RC3H1: variants seen among roughly 807,000 people sequenced by gnomAD.
RC3H1 encodes the protein roquin-1.
Under a neutral mutation model 138.2 loss-of-function variants are expected in RC3H1, and 50 were observed. The ratio of observed to expected loss-of-function variants is 0.36; its 90% CI spans 0.29 to 0.46. The LOEUF (loss-of-function observed/expected upper bound fraction) is 0.46, where lower values mean the gene tolerates loss of function less well. Ranked by LOEUF, RC3H1 falls within the 20% of genes least tolerant of loss-of-function variation. The pLI is 1.00. For synonymous variants in RC3H1, 462 were observed against 489.1 expected (o/e 0.94, Z 0.73); for missense variants, 1,031 against 1,388.1 (o/e 0.74, Z 4.09).
In RC3H1 at chr1:173,962,013, G is replaced by A. The variant is rs1408806965; in HGVS notation, c.1914C>T (p.Tyr638=). 2 of 1,614,010 alleles carry A rather than the reference G, an allele frequency of 1.2e-6. No individual in the cohort carries two copies. Among genetic ancestry groups the A allele is most frequent in the African/African-American group, 1.3e-5 (1 of 74,914 alleles). ...GGAGGTAGGGTGGATAATGATCCAA[G>A]TAGGGAGGAGCAGGTTCAGGAGCAG... is the stretch of plus-strand genomic sequence containing the variant. ...PPSAPEPAPP[Y]LDHYPPYLQE... Residue 638 remains tyrosine (Y), a synonymous_variant, in exon 12 of 20, where the codon TAC becomes TAT. Transcript: ENST00000367696.
intron 7 of RC3H1, among the ~76,000 whole-genome samples, chr1:173,975,309 T>G (rs977215778): frequency 6.6e-6 from 1 of 152,082 alleles, no homozygotes; most frequent in African/African-American, 2.4e-5. Flanking sequence ...TTGGCCAGGA[T>G]GGTCTTGATC....
chr1:173,982,538 T>A (rs1660868261), intron 5 of RC3H1, among the ~76,000 whole-genome samples, 189 bp downstream of exon 5: 1 of 152,128 alleles, frequency 6.6e-6, no homozygotes, highest in African/African-American at 2.4e-5. Context: ...ATATTGAACA[T>A]ACAAAAATTC....
rs200436514 is a variant in RC3H1 at position 173,992,899 on chromosome 1, G to C, written c.87C>G (p.Ile29Met). The C allele has an allele frequency of 1.9e-6, 3 of 1,614,098 alleles. No homozygotes were observed. ...QTFDETIRKP[I>M]SLGCGHTVCK... is the part of the protein sequence containing the mutation. ...AGACAGTATGGCCACAACCCAAACTGATGGGCTTTCGAATTGTTTCGTCGA... is the reference window on the plus strand; with the variant it reads ...AGACAGTATGGCCACAACCCAAACTCATGGGCTTTCGAATTGTTTCGTCGA... The change falls in exon 2 of 20, where the codon ATC (isoleucine) becomes ATG (methionine). Residue 29 changes from isoleucine (I) to methionine (M), a missense_variant. Physicochemically the swap from Ile to Met is conservative, Grantham distance 10. Coordinates refer to ENST00000367696, the MANE Select transcript of RC3H1 (RefSeq NM_172071.4).
chr1:173,963,070 T>C (rs1659948188), intron 11 of RC3H1, among the ~76,000 whole-genome samples: 2 of 152,356 alleles, frequency 1.3e-5, no homozygotes, highest in South Asian at 4.1e-4. Flanking sequence ...GTGTTTATTT[T>C]ACATATAAAC....
rs1658538242 is a variant in RC3H1 at position 173,935,314 on chromosome 1, T to C, written c.*3407A>G. 6.6e-6 allele frequency: 1 copy of C among 152,282 alleles called. No homozygotes were observed. The highest frequency in any genetic ancestry group is 1.9e-4 in the East Asian group (1 of 5,192). The allele number at this position is 152,282 out of a possible 1,614,324, so 9.4% of individuals were successfully genotyped here. A position where few individuals can be genotyped will look rare whatever the true frequency, so the allele number is the denominator to read the frequency against. ...TATTCTCAGTTCTTCTACCCTTTCCTAGCGACTCCTTGAAAAAAGAGTAAG... is the reference window on the plus strand; with the variant it reads ...TATTCTCAGTTCTTCTACCCTTTCCCAGCGACTCCTTGAAAAAAGAGTAAG... On this transcript the variant is annotated 3_prime_UTR_variant, in exon 20 of 20. Coordinates refer to ENST00000367696, the MANE Select transcript of RC3H1 (RefSeq NM_172071.4).
intron 5 of RC3H1, among the ~76,000 whole-genome samples, chr1:173,981,517 GTA>G (rs775980316): frequency 6.6e-6 from 1 of 152,050 alleles, no homozygotes; most frequent in Non-Finnish European, 1.5e-5. Flanking sequence ...GTATGTGTGT[GTA>G]TATGTATTTT....
Position 173,946,483 on chromosome 1 carries a change from C to A in RC3H1, c.2954G>T (p.Gly985Val), listed in dbSNP as rs756904710. 15 of 1,613,810 alleles carry A rather than the reference C, an allele frequency of 9.3e-6. No individual in the cohort carries two copies. Among genetic ancestry groups the A allele is most frequent in the Non-Finnish European group, 1.3e-5 (15 of 1,179,916 alleles). ...GGCTCTCTAGGCTGGTACCTCTAGT[C>A]CACGTAGCTGGGTCTGCTGGCTAAT... is the stretch of plus-strand genomic sequence containing the variant. ...HQISQQTQLR[G>V]LEAVSNRLVL... The change falls in exon 17 of 20, where the codon GGA becomes GTA. Residue 985 changes from glycine to valine, a missense_variant. Physicochemically the swap from Gly to Val is moderately radical, Grantham distance 109. This residue lies in a region of RC3H1 where 716 missense variants were observed against 837.9 expected (regional missense o/e 0.85). Transcript: ENST00000367696.
intron 1 of RC3H1, among the ~76,000 whole-genome samples, chr1:174,013,528 G>A (rs1034540711): frequency 3.3e-5 from 5 of 151,422 alleles, no homozygotes; most frequent in Admixed American, 6.6e-5. Context: ...TGCAACCTCC[G>A]CCGCCTGGGT....
intron 2 of RC3H1, among the ~76,000 whole-genome samples, chr1:173,985,796 C>T (rs1484316053): frequency 1.3e-5 from 2 of 152,112 alleles, no homozygotes; most frequent in Non-Finnish European, 1.5e-5. Context: ...ACCTTCCTCC[C>T]ACTTCCCTGT....
chr1:174,001,993 A>C (rs1444726175), intron 1 of RC3H1, among the ~76,000 whole-genome samples: 1 of 152,168 alleles, frequency 6.6e-6, no homozygotes, highest in Admixed American at 6.5e-5. Flanking sequence ...AAATTTTACA[A>C]AATTGTTTGC....
intron 8 of RC3H1, among the ~76,000 whole-genome samples, chr1:173,971,720 T>G (rs753149602): frequency 6.6e-5 from 10 of 152,196 alleles, no homozygotes; most frequent in Admixed American, 5.9e-4. Flanking sequence ...TATTCATAAA[T>G]AAAGCTTTGA....
At chr1:173,988,651 C>T (rs1661136052) in intron 2 of RC3H1, among the ~76,000 whole-genome samples, 2 of 152,226 alleles carry the variant, frequency 1.3e-5, no homozygotes, top group South Asian at 4.1e-4. Context: ...AGTAGCTATA[C>T]CATTTTTCAT....
chr1:173,943,397 A>G, intron 18 of RC3H1, 45 bp downstream of exon 18: 1 of 1,556,106 alleles, frequency 6.4e-7, no homozygotes. Context: ...GCCACATGAA[A>G]GATTTCATTT....
intron 9 of RC3H1, among the ~76,000 whole-genome samples, chr1:173,965,551 A>G (rs1261616278): frequency 1.3e-5 from 2 of 152,230 alleles, no homozygotes; most frequent in East Asian, 3.9e-4. Context: ...AGATCACACC[A>G]CTGAACTCCA....
intron 9 of RC3H1, among the ~76,000 whole-genome samples, chr1:173,965,346 G>A (rs1224527572): frequency 6.6e-6 from 1 of 152,158 alleles, no homozygotes; most frequent in Admixed American, 6.5e-5. Context: ...TGTAATCCCA[G>A]CACTTTGGGA....
At chr1:174,020,940 T>C (rs1271206222) in intron 1 of RC3H1, among the ~76,000 whole-genome samples, 1 of 151,942 alleles carries the variant, frequency 6.6e-6, no homozygotes, top group Non-Finnish European at 1.5e-5. Context: ...ATCCGGGAGG[T>C]GGAGGCTGTA....
At chr1:174,004,867 G>C (rs1248698512) in intron 1 of RC3H1, among the ~76,000 whole-genome samples, 1 of 151,444 alleles carries the variant, frequency 6.6e-6, no homozygotes, top group East Asian at 2.0e-4. Flanking sequence ...AAAGGCCCTA[G>C]GTTTCTTCCC....
Position 173,961,174 on chromosome 1 carries a change from C to T in RC3H1, c.2273G>A (p.Arg758Gln). Residue 758 changes from arginine (R) to glutamine (Q), a missense_variant, in exon 13 of 20, where the codon CGA (arginine) becomes CAA (glutamine). Physicochemically the swap from Arg to Gln is conservative, Grantham distance 43. Transcript: ENST00000367696. ...CTCTAGCTGGGCCATTATTTCCTTT[C>T]GTCGGCGATGTAGTTCATCTAGACT... The part of the protein sequence containing the change: ...HPSLDELHRR[R>Q]KEIMAQLEER... The T allele has an allele frequency of 1.9e-6, 3 of 1,614,072 alleles. No homozygotes were observed. The highest frequency in any genetic ancestry group is 2.5e-6 in the Non-Finnish European group (3 of 1,179,974).
At position 173,963,578 on chromosome 1, in the gene RC3H1, A is replaced by C. The variant is rs1054744336; in HGVS notation, c.1831+395T>G. On this transcript the variant is annotated intron_variant, in intron 11 of 19. Transcript: ENST00000367696. ...CCAGAAAAATAATAATTAAAAGAAG[A>C]AAAATGTACTGTGGGTGTTTAATTT... Among the ~76,000 whole-genome samples the C allele has an allele frequency of 3.9e-5, 6 of 152,236 alleles. No homozygotes were observed. The East Asian group carries it at 1.2e-3, about 29-fold the overall frequency.
Sources: allele counts gnomAD v4.1 joint callset (sites outside exome capture counted in the v4.1 genomes callset), GRCh38; gene constraint gnomAD v4.1.1; regional missense constraint gnomAD v4.1.1; transcripts MANE v1.5; gene names NCBI Gene and HGNC (gene_info 2026-07-23, HGNC 2026-07-21).